Variants in DENND1A observed in about 807,000 individuals in gnomAD.
DENND1A encodes DENN domain containing 1A, also known as DENN domain-containing protein 1A.
In DENND1A, 51 loss-of-function variants were observed where a neutral mutation model predicts 113.7. The observed-to-expected ratio is 0.45, with a 90% confidence interval of 0.36 to 0.57. DENND1A has a LOEUF of 0.57. Among genes scored for constraint, DENND1A ranks in the 20% least tolerant of loss-of-function variants. The pLI is 0.00. For synonymous variants in DENND1A, 565 were observed against 570.8 expected (o/e 0.99, Z 0.14); for missense variants, 1,258 against 1,395.9 (o/e 0.90, Z 1.57).
intron 13 of DENND1A, among the ~76,000 whole-genome samples, chr9:123,493,510 C>T (rs2051572752): frequency 6.6e-6 from 1 of 152,114 alleles, no homozygotes; most frequent in Non-Finnish European, 1.5e-5. Flanking sequence ...GGCCATCACA[C>T]CAGAAATGCC....
chr9:123,404,196 T>C (rs1044926218), intron 20 of DENND1A, among the ~76,000 whole-genome samples: 2 of 152,200 alleles, frequency 1.3e-5, no homozygotes, highest in Admixed American at 1.3e-4. Flanking sequence ...GATGGGTTTT[T>C]CTGACCCGCT....
At position 123,764,325 on chromosome 9, in the gene DENND1A, C is replaced by T. The variant is rs375603492; in HGVS notation, c.182+5189G>A. 1.4e-3 allele frequency among the ~76,000 whole-genome samples: 215 copies of T among 152,234 alleles called. No homozygotes were observed. The highest frequency in any genetic ancestry group is 6.8e-3 in the Middle Eastern group (2 of 294). ...TCCCCCTCTATGTATTATAGCTTACCGACAATTATCTGTTGTCCATGGCAG... is the reference window on the plus strand; with the variant it reads ...TCCCCCTCTATGTATTATAGCTTACTGACAATTATCTGTTGTCCATGGCAG... On this transcript the variant is annotated intron_variant, in intron 4 of 23. Coordinates refer to ENST00000394215, the MANE Select transcript of DENND1A (RefSeq NM_001352964.2). This position sits in a 1 kb window ranked among gnomAD's most constrained non-coding sequence, Gnocchi z 4.1.
chr9:123,568,926 C>A (rs940288887), intron 12 of DENND1A, among the ~76,000 whole-genome samples: 1 of 152,148 alleles, frequency 6.6e-6, no homozygotes, highest in African/African-American at 2.4e-5. Context: ...AAAGAGCTGA[C>A]AGAAATTCAA....
intron 6 of DENND1A, among the ~76,000 whole-genome samples, chr9:123,671,942 A>G (rs2063785784): frequency 6.6e-6 from 1 of 152,254 alleles, no homozygotes. Flanking sequence ...ATTTGATTGA[A>G]AATGGATTCA....
At chr9:123,831,915 G>A (rs533228473) in intron 2 of DENND1A, among the ~76,000 whole-genome samples, 14 of 152,080 alleles carry the variant, frequency 9.2e-5, no homozygotes, top group African/African-American at 1.4e-4. Flanking sequence ...CCCTGGAGGC[G>A]GAGGTTGCAG....
chr9:123,442,753 G>A (rs1484322300), intron 18 of DENND1A, among the ~76,000 whole-genome samples: 4 of 152,118 alleles, frequency 2.6e-5, no homozygotes, highest in African/African-American at 7.2e-5. Flanking sequence ...AAATACTATC[G>A]TCTAGTTTTG....
chr9:123,675,520 C>T (rs2064024137), intron 6 of DENND1A, among the ~76,000 whole-genome samples: 1 of 151,986 alleles, frequency 6.6e-6, no homozygotes, highest in African/African-American at 2.4e-5. Flanking sequence ...TTGCTCAGAA[C>T]GTTCAACAGA....
chr9:123,730,728 C>A (rs2068099714), intron 5 of DENND1A, among the ~76,000 whole-genome samples: 1 of 152,206 alleles, frequency 6.6e-6, no homozygotes, highest in Middle Eastern at 3.4e-3. Flanking sequence ...ACCAGAAATA[C>A]CATTTGACCC....
chr9:123,912,859 AC>A (rs1379851719), intron 1 of DENND1A, among the ~76,000 whole-genome samples: 1 of 151,652 alleles, frequency 6.6e-6, no homozygotes, highest in African/African-American at 2.4e-5. Context: ...ACTCCCCTCC[AC>A]CCCGTGGTGT....
chr9:123,548,763 T>C (rs2056864876), intron 13 of DENND1A, among the ~76,000 whole-genome samples: 3 of 152,244 alleles, frequency 2.0e-5, no homozygotes, highest in Non-Finnish European at 4.4e-5. Context: ...ATGCATGCTA[T>C]AACACGGATG....
At chr9:123,667,001 T>G (rs1259818641) in intron 8 of DENND1A, 25 bp downstream of exon 8, 5 of 1,569,016 alleles carry the variant, frequency 3.2e-6, no homozygotes. Flanking sequence ...AAAAATTTAA[T>G]TTTTTCTTCT....
chr9:123,607,458 TAGAGAG>T (rs769155971), intron 11 of DENND1A, among the ~76,000 whole-genome samples: 2 of 101,936 alleles, frequency 2.0e-5, no homozygotes, highest in Non-Finnish European at 4.1e-5. Context: ...TGGAGTGGCT[TAGAGAG>T]AGAGAGAGAG....
At chr9:123,601,492 T>C (rs1156235073) in intron 11 of DENND1A, among the ~76,000 whole-genome samples, 10 of 152,174 alleles carry the variant, frequency 6.6e-5, no homozygotes, top group African/African-American at 2.4e-4. Context: ...GCGTTTGCAG[T>C]AGGAAGCTTC....
intron 5 of DENND1A, among the ~76,000 whole-genome samples, chr9:123,705,656 A>C (rs1300783074): frequency 1.3e-5 from 2 of 152,228 alleles, no homozygotes; most frequent in African/African-American, 4.8e-5. Flanking sequence ...TGTTTTTAAA[A>C]GATATTAAAA....
chr9:123,402,769 G>C (rs1415046334), intron 21 of DENND1A, among the ~76,000 whole-genome samples: 1 of 152,244 alleles, frequency 6.6e-6, no homozygotes, highest in Non-Finnish European at 1.5e-5. Flanking sequence ...CCCCACCACA[G>C]GCAGGTCCAC....
intron 5 of DENND1A, among the ~76,000 whole-genome samples, chr9:123,742,109 G>C (rs1387184035): frequency 6.6e-6 from 1 of 152,204 alleles, no homozygotes; most frequent in South Asian, 2.1e-4. Flanking sequence ...TTGTCCCCTC[G>C]GCCTCACAGC....
intron 13 of DENND1A, among the ~76,000 whole-genome samples, chr9:123,530,132 AAAC>A (rs2055178926): frequency 6.6e-6 from 1 of 152,224 alleles, no homozygotes; most frequent in Admixed American, 6.5e-5. Flanking sequence ...CAGAATAAAA[AAAC>A]AAAAAACTAG....
chr9:123,709,520 T>A (rs1325038815), intron 5 of DENND1A, among the ~76,000 whole-genome samples: 2 of 152,176 alleles, frequency 1.3e-5, no homozygotes, highest in African/African-American at 4.8e-5. Flanking sequence ...CAGAGGCCTC[T>A]TACCCTCCAC....
chr9:123,542,099 G>A (rs1202386807), intron 13 of DENND1A, among the ~76,000 whole-genome samples: 5 of 152,262 alleles, frequency 3.3e-5, no homozygotes, highest in East Asian at 1.9e-4. Context: ...CTAATAAAAC[G>A]TCAGCAAATT....
Sources: gnomAD v4.1 joint callset for allele counts (sites outside exome capture counted in the v4.1 genomes callset) on GRCh38, gnomAD v4.1.1 for gene constraint, Gnocchi (gnomAD v3.1) non-coding constraint, MANE v1.5 for transcripts, NCBI Gene and HGNC (gene_info 2026-07-23, HGNC 2026-07-21) for gene names.